Variants in EPG5 observed in about 807,000 individuals in gnomAD.
EPG5 encodes ectopic P granules protein 5 homolog.
EPG5 carries 159 observed loss-of-function variants against 302.7 expected under a neutral mutation model. That is an observed-to-expected ratio of 0.53 (90% CI 0.46 to 0.60). EPG5 has a LOEUF of 0.60. Ranked by LOEUF, EPG5 falls within the 20% of genes least tolerant of loss-of-function variation. The pLI is 0.00. For synonymous variants in EPG5, 1,158 were observed against 1,136.8 expected (o/e 1.02, Z -0.37); for missense variants, 2,896 against 3,092.4 (o/e 0.94, Z 1.51).
the EPG5 span, chr18:45,837,559 C>G: frequency 6.6e-7 from 1 of 1,516,178 alleles, no homozygotes. Context: ...CCGAGGTGAG[C>G]GCGGAGGCAG....
intron 28 of EPG5, among the ~76,000 whole-genome samples, 189 bp downstream of exon 28, chr18:45,889,609 G>A (rs868126204): frequency 2.6e-5 from 4 of 152,172 alleles, no homozygotes; most frequent in African/African-American, 9.7e-5. Context: ...GGGGATGGCT[G>A]TGTTGCAATA....
the EPG5 span, among the ~76,000 whole-genome samples, chr18:45,802,978 T>C: frequency 6.6e-6 from 1 of 152,198 alleles, no homozygotes; most frequent in African/African-American, 2.4e-5. Flanking sequence ...TAGCCCTTCA[T>C]GAGTCAGTAT....
At chr18:45,820,889 A>G in the EPG5 span, among the ~76,000 whole-genome samples, 2 of 152,216 alleles carry the variant, frequency 1.3e-5, no homozygotes, top group Admixed American at 6.5e-5. Context: ...TTTGTTTGGG[A>G]AAGACTCATT....
the EPG5 span, among the ~76,000 whole-genome samples, chr18:45,819,910 C>T: frequency 5.6e-4 from 85 of 152,272 alleles, no homozygotes; most frequent in African/African-American, 2.0e-3. Context: ...AGGCATCACC[C>T]CTTTTTATAT....
intron 30 of EPG5, among the ~76,000 whole-genome samples, chr18:45,883,031 A>AAAAAAAAAAG (rs1555667436): frequency 6.8e-6 from 1 of 147,500 alleles, no homozygotes. Context: ...AAAAAAAAAA[A>AAAAAAAAAAG]GTAGTTCACT....
At chr18:45,856,301 C>G (rs2048514786) in intron 42 of EPG5, among the ~76,000 whole-genome samples, 1 of 152,176 alleles carries the variant, frequency 6.6e-6, no homozygotes, top group Admixed American at 6.5e-5. Flanking sequence ...TAAGGGGCCA[C>G]ACATTATATG....
Position 45,857,943 on chromosome 18 carries a change from T to C in EPG5, c.7352A>G (p.Gln2451Arg). The change falls in exon 42 of 44, where the codon CAG becomes CGG. Residue 2451 changes from glutamine to arginine, a missense_variant. This residue lies in a region of EPG5 where 620 missense variants were observed against 704.2 expected (regional missense o/e 0.88). Transcript: ENST00000282041. The part of the protein sequence containing the change: ...ESVIRILLLV[Q>R]SRQNLVAEER... The stretch of plus-strand genomic sequence containing the variant: ...CTCAGCCACGAGGTTCTGCCTGCTC[T>C]GAACCAAGAGCAGAATTCGAATGAC... The C allele has an allele frequency of 6.2e-7, 1 of 1,613,308 alleles. No homozygotes were observed. The highest frequency in any genetic ancestry group is 8.5e-7 in the Non-Finnish European group (1 of 1,180,014).
chr18:45,904,124 C>G lies in EPG5; in HGVS notation c.4330-7G>C, dbSNP rs1282559048. The G allele has an allele frequency of 1.2e-6, 2 of 1,608,352 alleles. No individual in the cohort carries two copies. Among genetic ancestry groups the G allele is most frequent in the South Asian group, 2.2e-5 (2 of 89,936 alleles). On this transcript the variant is annotated splice_polypyrimidine_tract_variant and splice_region_variant and intron_variant, in intron 24 of 43. Coordinates refer to ENST00000282041, the MANE Select transcript of EPG5 (RefSeq NM_020964.3). ...AATACTCCATCCACAGATCCTGAAA[C>G]AGAACGACAGTACTTTAACTCTGAC... is the stretch of plus-strand genomic sequence containing the variant.
chr18:45,966,186 C>A (rs1222105821), intron 1 of EPG5, among the ~76,000 whole-genome samples: 2 of 151,870 alleles, frequency 1.3e-5, no homozygotes, highest in South Asian at 2.1e-4. Flanking sequence ...TCCTGGCTAA[C>A]ACGGTGAAAC....
In EPG5 at chr18:45,912,753, C is replaced by T. The variant is rs573800071; in HGVS notation, c.3817-297G>A. On this transcript the variant is annotated intron_variant, in intron 21 of 43. Coordinates refer to ENST00000282041, the MANE Select transcript of EPG5 (RefSeq NM_020964.3). The stretch of plus-strand genomic sequence containing the variant: ...CATTTTCATTTCTGAAATTCCTTGG[C>T]GAATACAACGTTATAGTGCAAGGGA... Among the ~76,000 whole-genome samples, 26 of 152,100 alleles carry T rather than the reference C, an allele frequency of 1.7e-4. 1 individual carries two copies. In the South Asian group the frequency reaches 3.3e-3, roughly 19 times the overall value.
chr18:45,860,323 T>C lies in EPG5; in HGVS notation c.6790A>G (p.Met2264Val), dbSNP rs764375495. The change falls in exon 40 of 44, where the codon ATG becomes GTG. Residue 2264 changes from methionine to valine, a missense_variant. By Grantham distance (21) the Met-to-Val change is conservative. Around this residue, in one of 5 missense-constraint regions of EPG5, gnomAD observed 620 missense variants for 704.2 expected, o/e 0.88. Coordinates refer to ENST00000282041, the MANE Select transcript of EPG5 (RefSeq NM_020964.3). ...PPDMDSQTRHMALSSLFMEVL... is the reference protein window; with the variant it reads ...PPDMDSQTRHVALSSLFMEVL... ...TCCATAAAGAGGCTGCTGAGGGCCA[T>C]GTGGCGGGTCTGGCTGTCCATGTCT... 5.6e-6 allele frequency: 9 copies of C among 1,614,124 alleles called. No homozygotes were observed. The highest frequency in any genetic ancestry group is 5.3e-5 in the African/African-American group (4 of 74,940).
At position 45,879,199 on chromosome 18, in the gene EPG5, G is replaced by A. The variant is rs1896497587; in HGVS notation, c.5683C>T (p.Gln1895Ter). The A allele has an allele frequency of 1.2e-6, 2 of 1,609,222 alleles. No homozygotes were observed. The highest frequency in any genetic ancestry group is 1.7e-5 in the Admixed American group (1 of 58,772). ...TTATAAAAAAAGTCTGAAAGCCACT[G>A]TATAGTCTCCATTACCTGGAAGAGA... ...LSDKQVMETI[Q>*]WLSDFFYKLR... is the part of the protein sequence containing the mutation. The change falls in exon 33 of 44, where the codon CAG (glutamine) becomes TAG (stop). Residue 1895 changes from glutamine (Q) to a stop codon, truncating the protein, a stop_gained. Coordinates refer to ENST00000282041, the MANE Select transcript of EPG5 (RefSeq NM_020964.3). LOFTEE classifies it high-confidence loss of function.
At chr18:45,949,392 A>G in intron 5 of EPG5, 92 bp downstream of exon 5, 1 of 680,896 alleles carries the variant, frequency 1.5e-6, no homozygotes, top group Non-Finnish European at 2.5e-6. Flanking sequence ...TCTTTTTTAA[A>G]TAGTCCTTTT....
Position 45,865,781 on chromosome 18 carries a change from A to G in EPG5, c.6622-22T>C, listed in dbSNP as rs773364431. On this transcript the variant is annotated intron_variant, in intron 38 of 43. Transcript: ENST00000282041. Reference sequence around the variant, plus strand: ...CATCCTGACCAAAAAAAAAAAAAAAAATCATTCAAATGAATCCAAGCAAGG... The same window carrying G: ...CATCCTGACCAAAAAAAAAAAAAAAGATCATTCAAATGAATCCAAGCAAGG... 50 of 1,591,774 alleles carry G rather than the reference A, an allele frequency of 3.1e-5. No individual in the cohort carries two copies. In the South Asian group the frequency reaches 5.2e-4, roughly 17 times the overall value.
chr18:45,896,517 T>C (rs971016532), intron 27 of EPG5, among the ~76,000 whole-genome samples: 14 of 152,210 alleles, frequency 9.2e-5, no homozygotes, highest in Non-Finnish European at 2.1e-4. Flanking sequence ...TCCCCCTTCT[T>C]TCTTCAAGCT....
intron 42 of EPG5, among the ~76,000 whole-genome samples, chr18:45,856,811 G>A (rs1268466836): frequency 1.3e-5 from 2 of 152,212 alleles, no homozygotes; most frequent in Non-Finnish European, 2.9e-5. Flanking sequence ...AGTATTATGA[G>A]AGAAAACAGG....
downstream of EPG5, among the ~76,000 whole-genome samples, chr18:45,846,443 C>T (rs1476303581): frequency 6.8e-6 from 1 of 147,902 alleles, no homozygotes; most frequent in Admixed American, 7.0e-5. Flanking sequence ...ATTGCTTGAA[C>T]CCAGGAGGTG....
chr18:45,841,967 T>G, the EPG5 span: 1,144 of 781,078 alleles, frequency 1.5e-3, 17 homozygotes, highest in Non-Finnish European at 1.0e-4. Flanking sequence ...CCGATGCCAT[T>G]CATCTCTGAG....
intron 8 of EPG5, 100 bp from the exon 9 acceptor site, chr18:45,943,411 G>C: frequency 9.9e-7 from 1 of 1,010,514 alleles, no homozygotes; most frequent in South Asian, 1.6e-5. Flanking sequence ...CAAAGCCAAG[G>C]TGGAGAAGAA....
Sources: allele counts gnomAD v4.1 joint callset (sites outside exome capture counted in the v4.1 genomes callset), GRCh38; gene constraint gnomAD v4.1.1; regional missense constraint gnomAD v4.1.1; transcripts MANE v1.5; gene names NCBI Gene and HGNC (gene_info 2026-07-23, HGNC 2026-07-21).